Variants in CNIH4 observed in about 807,000 individuals in gnomAD.
The protein encoded by CNIH4 is protein cornichon homolog 4.
CNIH4 carries 9 observed loss-of-function variants against 21.5 expected under a neutral mutation model. That is an observed-to-expected ratio of 0.42 (90% CI 0.25 to 0.73). The LOEUF (loss-of-function observed/expected upper bound fraction) is 0.73. CNIH4 is among the 30% of genes least tolerant of loss of function. The pLI is 0.27. For missense variants in CNIH4, 159 were observed against 170.0 expected, an observed-to-expected ratio of 0.94 and a Z score of 0.36; for synonymous variants, 67 against 59.1, an observed-to-expected ratio of 1.13 and a Z score of -0.61.
chr1:224,362,599 C>T (rs1672329464), intron 2 of CNIH4, among the ~76,000 whole-genome samples: 1 of 151,446 alleles, frequency 6.6e-6, no homozygotes, highest in Non-Finnish European at 1.5e-5. Flanking sequence ...ACGCCATTCT[C>T]CCGCTTCAGC....
chr1:224,370,745 G>A (rs554471538), intron 3 of CNIH4, among the ~76,000 whole-genome samples: 15 of 152,056 alleles, frequency 9.9e-5, no homozygotes, highest in Non-Finnish European at 1.6e-4. Flanking sequence ...GAATGTTACT[G>A]TATTTATTTT....
rs190812509 is a variant in CNIH4 at position 224,377,051 on chromosome 1, T to C, written c.*1229T>C. 4.9e-3 allele frequency: 1,933 copies of C among 396,742 alleles called. 4 individuals are homozygous for C. The highest frequency in any genetic ancestry group is 7.6e-3 in the Middle Eastern group (6 of 788). The allele number at this position is 396,742 out of a possible 1,614,324, so 24.6% of individuals were successfully genotyped here. A position where few individuals can be genotyped will look rare whatever the true frequency, so the allele number is the denominator to read the frequency against. On this transcript the variant is annotated 3_prime_UTR_variant, in exon 5 of 5. Transcript: ENST00000465271. ...AAAGATTAAATGTTACATGTCCTTT[T>C]AGTCCTTGACCAGGTCTAGCCTTGG...
chr1:224,373,659 C>A (rs1267218268), intron 4 of CNIH4, among the ~76,000 whole-genome samples: 1 of 151,952 alleles, frequency 6.6e-6, no homozygotes, highest in South Asian at 2.1e-4. Flanking sequence ...GAAACCCCAT[C>A]TCTACTAAAT....
Position 224,376,358 on chromosome 1 carries a change from A to AAAAT in CNIH4, c.*538_*541dup. On this transcript the variant is annotated 3_prime_UTR_variant, in exon 5 of 5. Transcript: ENST00000465271. ...GAATGTCAACAGAGAATGGCATCTC[A>AAAAT]AAATATATATATTTCTTTGCACAAT... 1.0e-6 allele frequency: 1 copy of AAAAT among 985,130 alleles called. No homozygotes were observed. The highest frequency in any genetic ancestry group is 1.2e-6 in the Non-Finnish European group (1 of 829,636). 61.0% of individuals were successfully genotyped at this position (985,130 alleles called of 1,614,324 possible). A position where few individuals can be genotyped will look rare whatever the true frequency, so the allele number is the denominator to read the frequency against.
chr1:224,371,159 G>A (rs1672612896), intron 3 of CNIH4, 124 bp from the exon 4 acceptor site: 6 of 981,710 alleles, frequency 6.1e-6, no homozygotes, highest in South Asian at 5.1e-5. Context: ...TTACCGGCAT[G>A]AGCCACAGTA....
At chr1:224,360,105 C>T (rs59734390) in intron 1 of CNIH4, among the ~76,000 whole-genome samples, 11,816 of 152,020 alleles carry the variant, frequency 0.078, 1,439 homozygotes, top group African/African-American at 0.26. Context: ...CACTGCACTA[C>T]AGCCTGGGTG....
chr1:224,372,213 TATGATAGATTGGCTGTCAGACATTG>T (rs1672651768), intron 4 of CNIH4, among the ~76,000 whole-genome samples: 1 of 152,206 alleles, frequency 6.6e-6, no homozygotes, highest in Non-Finnish European at 1.5e-5. Flanking sequence ...TAAGAATTAA[TATGATAGATTGGCTGTCAGACATTG>T]GAAGCCTTAT....
chr1:224,365,419 TA>T (rs1336681516), intron 2 of CNIH4, among the ~76,000 whole-genome samples: 2 of 152,246 alleles, frequency 1.3e-5, no homozygotes, highest in East Asian at 1.9e-4. Flanking sequence ...ACATTCTTAT[TA>T]TTTTTTGTTT....
intron 2 of CNIH4, among the ~76,000 whole-genome samples, chr1:224,362,008 T>C (rs1159740903): frequency 2.6e-5 from 4 of 152,164 alleles, no homozygotes; most frequent in Admixed American, 6.5e-5. Flanking sequence ...CTGGAAAAGA[T>C]TTTTCTTTCA....
At chr1:224,365,804 G>A (rs1672433748) in intron 2 of CNIH4, 75 bp from the exon 3 acceptor site, 12 of 912,276 alleles carry the variant, frequency 1.3e-5, no homozygotes, top group Middle Eastern at 2.1e-4. Context: ...TACGTTCATT[G>A]ATTTAGTTTC....
At chr1:224,367,672 C>T (rs1367211088) in intron 3 of CNIH4, among the ~76,000 whole-genome samples, 1 of 152,062 alleles carries the variant, frequency 6.6e-6, no homozygotes, top group Non-Finnish European at 1.5e-5. Flanking sequence ...GCAGTTGGGA[C>T]TGCAGGTGCA....
intron 1 of CNIH4, among the ~76,000 whole-genome samples, chr1:224,359,089 C>T (rs772178697): frequency 2.0e-5 from 3 of 151,948 alleles, no homozygotes; most frequent in African/African-American, 4.8e-5. Flanking sequence ...CTATGGTTAA[C>T]GAATAGACCA....
chr1:224,357,156 G>C (rs1047215080), intron 1 of CNIH4, 163 bp downstream of exon 1: 2 of 722,180 alleles, frequency 2.8e-6, no homozygotes, highest in Middle Eastern at 3.3e-4. Flanking sequence ...CCCCGGAGCG[G>C]GTAGGAGAGG....
At chr1:224,367,012 A>T in intron 3 of CNIH4, among the ~76,000 whole-genome samples, 1 of 151,648 alleles carries the variant, frequency 6.6e-6, no homozygotes, top group South Asian at 2.1e-4. Context: ...AAAATTTTTT[A>T]TTTAATAAAT....
rs1336321534 is a variant in CNIH4, at chr1:224,378,450, C to CATTG, written c.*2633_*2636dup. On this transcript the variant is annotated 3_prime_UTR_variant, in exon 5 of 5. Transcript: ENST00000465271. ...GATGCTATAAATGTTCTCCCCTTTT[C>CATTG]ATTGATTGGAGAGTTGTAGAGGACC... 2.0e-5 allele frequency: 3 copies of CATTG among 152,454 alleles called. No homozygotes were observed. The highest frequency in any genetic ancestry group is 6.5e-5 in the Admixed American group (1 of 15,294). The allele number at this position is 152,454 out of a possible 1,614,324, so 9.4% of individuals were successfully genotyped here. A position where few individuals can be genotyped will look rare whatever the true frequency, so the allele number is the denominator to read the frequency against.
intron 3 of CNIH4, 137 bp downstream of exon 3, chr1:224,366,128 G>A (rs1461134498): frequency 6.2e-6 from 4 of 644,688 alleles, no homozygotes; most frequent in South Asian, 5.1e-5. Flanking sequence ...TGCAATTTCT[G>A]CCTCCTCAGT....
Position 224,376,366 on chromosome 1 carries a change from T to C in CNIH4, c.*544T>C, listed in dbSNP as rs1249506530. The stretch of plus-strand genomic sequence containing the variant: ...ACAGAGAATGGCATCTCAAAATATA[T>C]ATATTTCTTTGCACAATTTGTGAAA... On this transcript the variant is annotated 3_prime_UTR_variant, in exon 5 of 5. Coordinates refer to ENST00000465271, the MANE Select transcript of CNIH4 (RefSeq NM_014184.4). 4.1e-6 allele frequency: 4 copies of C among 985,230 alleles called. No individual in the cohort carries two copies. In the African/African-American group the frequency reaches 7.0e-5, roughly 17 times the overall value. 61.0% of individuals were successfully genotyped at this position (985,230 alleles called of 1,614,324 possible).
At chr1:224,367,740 A>C (rs572910879) in intron 3 of CNIH4, among the ~76,000 whole-genome samples, 53 of 152,268 alleles carry the variant, frequency 3.5e-4, no homozygotes, top group African/African-American at 1.3e-3. Context: ...TCAGTTCCAT[A>C]GACCAACGCC....
chr1:224,363,939 T>C (rs927680068), intron 2 of CNIH4, among the ~76,000 whole-genome samples: 7 of 152,048 alleles, frequency 4.6e-5, no homozygotes, highest in Admixed American at 2.6e-4. Context: ...TAGAGAAAAA[T>C]CCTCCAAGTT....
Sources: allele counts gnomAD v4.1 joint callset (sites outside exome capture counted in the v4.1 genomes callset), GRCh38; gene constraint gnomAD v4.1.1; transcripts MANE v1.5; gene names NCBI Gene and HGNC (gene_info 2026-07-23, HGNC 2026-07-21).